Variants in MICAL3 observed in about 807,000 individuals in gnomAD.
MICAL3 encodes microtubule associated monooxygenase, calponin and LIM domain containing 3.
MICAL3 carries 62 observed loss-of-function variants against 207.4 expected under a neutral mutation model. The observed-to-expected ratio is 0.30, with a 90% CI of 0.24 to 0.37. The LOEUF (loss-of-function observed/expected upper bound fraction) is 0.37, where lower values mean the gene tolerates loss of function less well. MICAL3 is among the 10% of genes least tolerant of loss of function. MICAL3 has a pLI of 1.00. For missense variants in MICAL3, 2,368 were observed against 2,635.6 expected (o/e 0.90, Z 2.22); for synonymous variants, 1,077 against 1,069.3 (o/e 1.01, Z -0.14).
chr22:18,019,594 T>G (rs933443846), intron 1 of MICAL3: 2 of 151,816 alleles, frequency 1.3e-5, no homozygotes, highest in African/African-American at 4.9e-5. Flanking sequence ...ACTCAGGAGG[T>G]TGAGGCAGGA....
rs192826453 is a variant in MICAL3 at position 17,965,042 on chromosome 22, G to T, written c.-74-58156C>A. Among the ~76,000 whole-genome samples, 22 of 152,234 alleles carry T rather than the reference G, an allele frequency of 1.4e-4. No individual in the cohort carries two copies. In the South Asian group the frequency reaches 2.3e-3, roughly 16 times the overall value. On this transcript the variant is annotated intron_variant, in intron 1 of 31. Coordinates refer to ENST00000441493, the MANE Select transcript of MICAL3 (RefSeq NM_015241.3). ...CCCCCAGGTGTCTCCCACTCCCTGC[G>T]GTAGGAAGTCCTCTGACAGAGGGAG...
intron 1 of MICAL3, among the ~76,000 whole-genome samples, chr22:17,967,481 CACACA>C (rs1569150670): frequency 1.3e-4 from 17 of 134,182 alleles, no homozygotes; most frequent in African/African-American, 4.8e-4. Context: ...CACACACACA[CACACA>C]CACACACCCA....
At chr22:17,933,453 CT>C (rs953313790) in intron 1 of MICAL3, among the ~76,000 whole-genome samples, 9 of 152,200 alleles carry the variant, frequency 5.9e-5, no homozygotes, top group Admixed American at 5.9e-4. Context: ...ACCAGAATCT[CT>C]GGGACACATT....
intron 1 of MICAL3, among the ~76,000 whole-genome samples, chr22:17,985,850 A>G (rs895457404): frequency 3.9e-5 from 6 of 152,056 alleles, no homozygotes; most frequent in African/African-American, 1.4e-4. Context: ...GCCCTGCAGA[A>G]CTCATGACTC....
chr22:17,884,319 G>C (rs762841612), intron 16 of MICAL3: 1 of 1,592,722 alleles, frequency 6.3e-7, no homozygotes, highest in Non-Finnish European at 8.5e-7. Flanking sequence ...TGCCCAGGCA[G>C]GCAGCAGGAC....
At chr22:17,906,116 C>A (rs1931697714) in intron 2 of MICAL3, among the ~76,000 whole-genome samples, 1 of 152,216 alleles carries the variant, frequency 6.6e-6, no homozygotes, top group Non-Finnish European at 1.5e-5. Context: ...TCCTCCGAAC[C>A]ACGTGAGGTT....
chr22:17,956,767 A>G (rs1278109124), intron 1 of MICAL3, among the ~76,000 whole-genome samples: 3 of 152,198 alleles, frequency 2.0e-5, no homozygotes, highest in Non-Finnish European at 4.4e-5. Context: ...ACAGGGCAGG[A>G]AGAAGTGGAC....
intron 1 of MICAL3, among the ~76,000 whole-genome samples, chr22:17,989,591 C>T (rs1280566719): frequency 6.6e-6 from 1 of 152,126 alleles, no homozygotes; most frequent in Non-Finnish European, 1.5e-5. Flanking sequence ...ACCCCAGCAC[C>T]CCCACATCTC....
chr22:17,943,045 TC>T (rs1351418784), intron 1 of MICAL3, among the ~76,000 whole-genome samples: 4 of 152,240 alleles, frequency 2.6e-5, no homozygotes, highest in Non-Finnish European at 4.4e-5. Context: ...CAGGAAGAAT[TC>T]CCAAGCTCTG....
chr22:17,978,321 A>G (rs1602334763), intron 1 of MICAL3, among the ~76,000 whole-genome samples: 1 of 152,372 alleles, frequency 6.6e-6, no homozygotes, highest in South Asian at 2.1e-4. Flanking sequence ...CTACATTTAC[A>G]TGAAATGTTC....
chr22:17,881,064 C>A, intron 16 of MICAL3: 1 of 755,584 alleles, frequency 1.3e-6, no homozygotes, highest in Non-Finnish European at 2.2e-6. Context: ...TTGCTTCCAC[C>A]ACAAACGGTT....
At chr22:17,895,133 A>T (rs551445240) in intron 10 of MICAL3, 151 bp downstream of exon 10, 49 of 746,818 alleles carry the variant, frequency 6.6e-5, no homozygotes, top group African/African-American at 4.4e-4. Flanking sequence ...AATGCTATCT[A>T]CTTCTACCAA....
At chr22:17,961,067 T>C (rs1374968724) in intron 1 of MICAL3, among the ~76,000 whole-genome samples, 1 of 152,080 alleles carries the variant, frequency 6.6e-6, no homozygotes, top group Non-Finnish European at 1.5e-5. Flanking sequence ...GGTTGCCAGC[T>C]GCCAGCACAC....
chr22:17,794,937 T>C (rs2061859723), intron 29 of MICAL3, among the ~76,000 whole-genome samples: 1 of 151,960 alleles, frequency 6.6e-6, no homozygotes, highest in Admixed American at 6.6e-5. Flanking sequence ...CAGTGTGTGG[T>C]TTACAGAGAG....
intron 1 of MICAL3, among the ~76,000 whole-genome samples, chr22:17,930,131 G>A (rs1461604747): frequency 6.6e-6 from 1 of 152,170 alleles, no homozygotes; most frequent in African/African-American, 2.4e-5. Flanking sequence ...TCACCCATCA[G>A]AATAACTAAA....
chr22:17,971,007 C>T (rs1005467384), intron 1 of MICAL3, among the ~76,000 whole-genome samples: 11 of 152,172 alleles, frequency 7.2e-5, no homozygotes, highest in African/African-American at 2.6e-4. Flanking sequence ...CACGGCAAAA[C>T]CCCGCCTCTG....
intron 1 of MICAL3, among the ~76,000 whole-genome samples, chr22:17,974,189 G>A (rs1193569588): frequency 6.6e-6 from 1 of 152,124 alleles, no homozygotes; most frequent in African/African-American, 2.4e-5. Flanking sequence ...GCTCCCTAGG[G>A]CTTTGTGAGG....
chr22:17,811,730 A>T (rs1181501501), intron 27 of MICAL3, among the ~76,000 whole-genome samples: 1 of 152,172 alleles, frequency 6.6e-6, no homozygotes, highest in African/African-American at 2.4e-5. Context: ...CCTCTAAGAA[A>T]ATGAAACAAG....
chr22:17,918,296 A>G (rs1334723604), intron 1 of MICAL3, among the ~76,000 whole-genome samples: 1 of 152,140 alleles, frequency 6.6e-6, no homozygotes, highest in East Asian at 1.9e-4. Flanking sequence ...AAAAACATTG[A>G]GGACCCAAAG....
Sources: allele counts gnomAD v4.1 joint callset (sites outside exome capture counted in the v4.1 genomes callset), GRCh38; gene constraint gnomAD v4.1.1; transcripts MANE v1.5; gene names NCBI Gene and HGNC (gene_info 2026-07-23, HGNC 2026-07-21).